The following TRHDE variants were observed in gnomAD, a reference collection of about 807,000 sequenced individuals.
TRHDE encodes thyrotropin-releasing hormone-degrading ectoenzyme.
Under a neutral mutation model 125.7 loss-of-function variants are expected in TRHDE, and 72 were observed. The ratio of observed to expected loss-of-function variants is 0.57; its 90% CI spans 0.47 to 0.70. The LOEUF is 0.70. Ranked by LOEUF, TRHDE falls within the 30% of genes least tolerant of loss-of-function variation. The pLI, the probability that TRHDE is intolerant of heterozygous loss-of-function variation, is 0.00. For synonymous variants in TRHDE, 509 were observed against 509.1 expected (o/e 1.00, Z 0.00); for missense variants, 1,110 against 1,327.1 (o/e 0.84, Z 2.54).
intron 12 of TRHDE, among the ~76,000 whole-genome samples, chr12:72,593,600 T>A (rs1455646113): frequency 6.6e-6 from 1 of 152,160 alleles, no homozygotes; most frequent in Non-Finnish European, 1.5e-5. Flanking sequence ...TGTGCCATGT[T>A]GGTGTGCTGC....
chr12:72,504,404 A>G (rs1878277928), intron 6 of TRHDE, among the ~76,000 whole-genome samples: 1 of 151,816 alleles, frequency 6.6e-6, no homozygotes, highest in Admixed American at 6.6e-5. Flanking sequence ...CCCGGGTTCA[A>G]GTGATTCTTC....
chr12:72,224,146 C>CTATCTATG (rs1565666711), intron 2 of TRHDE, among the ~76,000 whole-genome samples: 3 of 46,360 alleles, frequency 6.5e-5, no homozygotes, highest in East Asian at 4.2e-4. Context: ...ATCTATTTAT[C>CTATCTATG]TATGTATGTA....
At chr12:72,210,412 C>G (rs1190106762) in intron 2 of TRHDE, among the ~76,000 whole-genome samples, 2 of 151,662 alleles carry the variant, frequency 1.3e-5, no homozygotes, top group African/African-American at 4.9e-5. Context: ...AGATTAAGCT[C>G]AGTGAAAAGG....
chr12:72,371,641 G>A (rs1036771870), intron 2 of TRHDE, among the ~76,000 whole-genome samples: 2 of 151,690 alleles, frequency 1.3e-5, no homozygotes, highest in African/African-American at 4.9e-5. Context: ...AACATGTGGT[G>A]TTTGGTTTTC....
At chr12:72,433,918 A>T (rs1243996685) in intron 3 of TRHDE, among the ~76,000 whole-genome samples, 1 of 151,986 alleles carries the variant, frequency 6.6e-6, no homozygotes, top group Non-Finnish European at 1.5e-5. Context: ...CTGTCTCTCC[A>T]GAGGTGATAC....
At chr12:72,289,436 A>G (rs898581426) in intron 2 of TRHDE, among the ~76,000 whole-genome samples, 1 of 152,154 alleles carries the variant, frequency 6.6e-6, no homozygotes, top group African/African-American at 2.4e-5. Flanking sequence ...AAGCATTCAG[A>G]CTGAATCCAA....
intron 2 of TRHDE, among the ~76,000 whole-genome samples, chr12:72,109,801 G>A (rs1875275607): frequency 6.6e-6 from 1 of 152,050 alleles, no homozygotes; most frequent in Admixed American, 6.6e-5. Flanking sequence ...GGCATGACTG[G>A]TTTAGATAAA....
chr12:72,446,691 C>G (rs1875303416), intron 3 of TRHDE, among the ~76,000 whole-genome samples: 1 of 151,686 alleles, frequency 6.6e-6, no homozygotes, highest in Non-Finnish European at 1.5e-5. Context: ...AAAACAACAA[C>G]AAAAACAGCA....
At chr12:72,204,819 T>TC (rs1474049957) in intron 2 of TRHDE, among the ~76,000 whole-genome samples, 1 of 152,198 alleles carries the variant, frequency 6.6e-6, no homozygotes, top group Admixed American at 6.5e-5. Flanking sequence ...ACTAGTATTT[T>TC]CAGTGTTTAT....
At chr12:72,485,379 T>A (rs192144722) in intron 5 of TRHDE, among the ~76,000 whole-genome samples, 21 of 152,278 alleles carry the variant, frequency 1.4e-4, no homozygotes, top group Admixed American at 1.2e-3. Flanking sequence ...CTGCTGCTAT[T>A]CTTTACCTCC....
intron 2 of TRHDE, chr12:72,255,717 G>C (rs1481822805): frequency 6.6e-6 from 1 of 152,176 alleles, no homozygotes; most frequent in African/African-American, 2.4e-5. Flanking sequence ...GTTTCAGGCA[G>C]TTCTTCCTTA....
chr12:72,355,494 T>C (rs984092043), intron 2 of TRHDE, among the ~76,000 whole-genome samples: 2 of 151,198 alleles, frequency 1.3e-5, no homozygotes, highest in African/African-American at 4.9e-5. Context: ...ACATAAGAAC[T>C]GGCAAAGATT....
intron 6 of TRHDE, among the ~76,000 whole-genome samples, chr12:72,540,952 C>T (rs1869116905): frequency 6.6e-6 from 1 of 151,526 alleles, no homozygotes; most frequent in Non-Finnish European, 1.5e-5. Context: ...TTTTGATACA[C>T]ATCTTTAATG....
intron 7 of TRHDE, among the ~76,000 whole-genome samples, chr12:72,542,681 T>A (rs960330547): frequency 6.6e-6 from 1 of 151,292 alleles, no homozygotes; most frequent in Non-Finnish European, 1.5e-5. Context: ...AAGATTCAAA[T>A]AAGGTGAAAC....
At chr12:72,190,333 C>G (rs1452671771) in intron 2 of TRHDE, among the ~76,000 whole-genome samples, 2 of 152,204 alleles carry the variant, frequency 1.3e-5, no homozygotes, top group African/African-American at 4.8e-5. Flanking sequence ...GGAGCCCTGC[C>G]TGGTAATTGG....
At chr12:72,212,453 A>G (rs533039598) in intron 2 of TRHDE, among the ~76,000 whole-genome samples, 1 of 152,252 alleles carries the variant, frequency 6.6e-6, no homozygotes, top group African/African-American at 2.4e-5. Flanking sequence ...ATAAAATGTT[A>G]TCAAACCACA....
At chr12:72,362,435 T>C (rs1452964998) in intron 2 of TRHDE, among the ~76,000 whole-genome samples, 1 of 151,864 alleles carries the variant, frequency 6.6e-6, no homozygotes, top group Non-Finnish European at 1.5e-5. Context: ...GTAAATTTGT[T>C]TGAGTTCATT....
intron 3 of TRHDE, among the ~76,000 whole-genome samples, chr12:72,380,668 TGACAGATCATGGAC>T (rs1416643246): frequency 1.3e-5 from 2 of 152,046 alleles, no homozygotes; most frequent in East Asian, 3.9e-4. Context: ...AATGGGTGGA[TGACAGATCATGGAC>T]CGCCAGCAGG....
At chr12:72,262,706 T>G (rs1878978608) in intron 2 of TRHDE, 1 of 152,178 alleles carries the variant, frequency 6.6e-6, no homozygotes. Context: ...AATGTTAATT[T>G]GTGGACATAC....
Sources: gnomAD v4.1 joint callset for allele counts (sites outside exome capture counted in the v4.1 genomes callset) on GRCh38, gnomAD v4.1.1 for gene constraint, MANE v1.5 for transcripts, NCBI Gene and HGNC (gene_info 2026-07-23, HGNC 2026-07-21) for gene names.